Variants in MYRF observed in about 807,000 individuals in gnomAD.
MYRF encodes myelin regulatory factor, also known as myelin gene regulatory factor.
Under a neutral mutation model 126.3 loss-of-function variants are expected in MYRF, and 16 were observed. The observed-to-expected ratio is 0.13, with a 90% CI of 0.09 to 0.19. MYRF has a LOEUF of 0.19. MYRF is among the 10% of genes least tolerant of loss of function. MYRF has a pLI of 1.00. For synonymous variants in MYRF, 608 were observed against 635.3 expected, an observed-to-expected ratio of 0.96 and a Z score of 0.65; for missense variants, 1,104 against 1,547.0, an observed-to-expected ratio of 0.71 and a Z score of 4.80.
chr11:61,769,373 G>A, intron 4 of MYRF, 52 bp downstream of exon 4: 2 of 1,470,558 alleles, frequency 1.4e-6, no homozygotes, highest in Non-Finnish European at 1.9e-6. Context: ...CAAGTAGTTG[G>A]GGCGGCCTTA....
chr11:61,780,154 C>T, intron 17 of MYRF, 68 bp from the exon 18 acceptor site: 2 of 1,554,820 alleles, frequency 1.3e-6, no homozygotes, highest in South Asian at 2.3e-5. Context: ...GGACCACAGC[C>T]TTGTCCTAGA....
intron 1 of MYRF, among the ~76,000 whole-genome samples, chr11:61,753,307 C>T (rs1045936203): frequency 6.6e-6 from 1 of 151,834 alleles, no homozygotes; most frequent in African/African-American, 2.4e-5. Context: ...CTGGTTGGCG[C>T]CATCCCCCAT....
chr11:61,784,426 C>T, intron 25 of MYRF, 41 bp downstream of exon 25: 1 of 1,538,524 alleles, frequency 6.5e-7, no homozygotes, highest in African/African-American at 1.4e-5. Flanking sequence ...CAGGCCCGAG[C>T]TGCTTCTCTC....
chr11:61,770,365 C>T lies in MYRF; in HGVS notation c.580C>T (p.Pro194Ser), dbSNP rs748967830. Residue 194 changes from proline to serine, a missense_variant, in exon 5 of 27, where the codon CCC becomes TCC. This residue lies in a region of MYRF where 368 missense variants were observed against 403.9 expected (regional missense o/e 0.91). Coordinates refer to ENST00000278836, the MANE Select transcript of MYRF (RefSeq NM_001127392.3). ...GCCAGGCCCCCCGCCACCCCCACCA[C>T]CCCCACCTCACTACCCTGTCCTGCA... ...HLPGPPPPPP[P>S]PPHYPVLQRD... is the part of the protein sequence containing the mutation. 2.4e-5 allele frequency: 37 copies of T among 1,533,380 alleles called. No individual in the cohort carries two copies. The highest frequency in any genetic ancestry group is 3.2e-5 in the Non-Finnish European group (36 of 1,134,552). 95.0% of individuals were successfully genotyped at this position (1,533,380 alleles called of 1,614,324 possible). A position where few individuals can be genotyped will look rare whatever the true frequency, so the allele number is the denominator to read the frequency against.
chr11:61,784,222 G>C lies in MYRF; in HGVS notation c.3195-58G>C, dbSNP rs1294938747. ...GGCGTGTGGCAGGCTGGCTGGGAGG[G>C]GGCTGGGGTTGAGGGACTCTAGAAC... On this transcript the variant is annotated intron_variant, in intron 24 of 26. Transcript: ENST00000278836. The C allele has an allele frequency of 4.6e-6, 7 of 1,505,790 alleles. No individual in the cohort carries two copies. The South Asian group carries it at 8.2e-5, about 18-fold the overall frequency. The allele number at this position is 1,505,790 out of a possible 1,614,324, so 93.3% of individuals were successfully genotyped here.
chr11:61,754,655 G>A (rs539152329), intron 1 of MYRF, among the ~76,000 whole-genome samples: 1 of 152,200 alleles, frequency 6.6e-6, no homozygotes, highest in Non-Finnish European at 1.5e-5. Flanking sequence ...GTTGGGGGGT[G>A]GGGGCTGACG....
rs201753383 is a variant in MYRF at position 61,771,923 on chromosome 11, G to A, written c.1086G>A (p.Ala362=). The change falls in exon 7 of 27, where the codon GCG becomes GCA. Residue 362 remains alanine, a synonymous_variant. Transcript: ENST00000278836. Reference sequence around the variant, plus strand: ...AGCCTCATCAGCAGAACAAGTGGGCGACCCTGTACGATGCTAACTACAAGG... The same window carrying A: ...AGCCTCATCAGCAGAACAAGTGGGCAACCCTGTACGATGCTAACTACAAGG... ...KWQPHQQNKW[A]TLYDANYKEL... 4.3e-5 allele frequency: 70 copies of A among 1,613,944 alleles called. No individual in the cohort carries two copies. Among genetic ancestry groups the A allele is most frequent in the Admixed American group, 3.0e-4 (18 of 60,006 alleles).
rs1176842807 is a variant in MYRF, at chr11:61,781,045, G to A, written c.2572G>A (p.Val858Met). Residue 858 changes from valine to methionine, a missense_variant and splice_region_variant, in exon 20 of 27, where the codon GTG becomes ATG. By Grantham distance (21) the Val-to-Met change is conservative. Around this residue, in one of 10 missense-constraint regions of MYRF, gnomAD observed 323 missense variants for 383.1 expected, o/e 0.84. Coordinates refer to ENST00000278836, the MANE Select transcript of MYRF (RefSeq NM_001127392.3). ...AGGCATACAGCCCTCTTTGCTGCTG[G>A]GTGCGTGTCTGGGCAGGTCTGGGTA... Reference protein sequence around the residue: ...LPGIQPSLLLVTTSLTSSAPG... With the variant: ...LPGIQPSLLLMTTSLTSSAPG... 1 of 1,609,818 alleles carries A rather than the reference G, an allele frequency of 6.2e-7. No individual in the cohort carries two copies. Among genetic ancestry groups the A allele is most frequent in the Non-Finnish European group, 8.5e-7 (1 of 1,180,008 alleles).
At position 61,757,965 on chromosome 11, in the gene MYRF, C is replaced by T. The variant is rs1043524953; in HGVS notation, c.46+5175C>T. 6.6e-6 allele frequency among the ~76,000 whole-genome samples: 1 copy of T among 152,158 alleles called. No individual in the cohort carries two copies. The highest frequency in any genetic ancestry group is 1.5e-5 in the Non-Finnish European group (1 of 68,022). The stretch of plus-strand genomic sequence containing the variant: ...GACATGCTGAGGGGTGGCTCCAGCA[C>T]GGGTGGCCACGCCAGGTGATGTCCG... On this transcript the variant is annotated intron_variant, in intron 1 of 26. Transcript: ENST00000278836. The surrounding 1 kb of genome is among the most constrained non-coding windows in gnomAD (Gnocchi z 4.7).
At chr11:61,760,969 G>A (rs1240831280) in intron 1 of MYRF, among the ~76,000 whole-genome samples, 1 of 152,174 alleles carries the variant, frequency 6.6e-6, no homozygotes, top group Non-Finnish European at 1.5e-5. Context: ...TGCTCTGAGA[G>A]GACACTCAGA....
rs2135780280 is a variant in MYRF at position 61,770,253 on chromosome 11, C to T, written c.468C>T (p.His156=). The part of the protein sequence containing the change: ...AYSPQQVNEP[H]LLRTITPETL... ...CCCCCATCTCTCCTGCAGAGCCCCA[C>T]CTCCTGCGCACGATAACCCCTGAGA... is the stretch of plus-strand genomic sequence containing the variant. The change falls in exon 5 of 27, where the codon CAC becomes CAT. Residue 156 remains histidine, a synonymous_variant. Coordinates refer to ENST00000278836, the MANE Select transcript of MYRF (RefSeq NM_001127392.3). The T allele has an allele frequency of 1.9e-6, 3 of 1,606,620 alleles. No homozygotes were observed. The highest frequency in any genetic ancestry group is 2.2e-5 in the East Asian group (1 of 44,710).
intron 1 of MYRF, among the ~76,000 whole-genome samples, chr11:61,764,754 C>A (rs2066004561): frequency 6.6e-6 from 1 of 152,218 alleles, no homozygotes; most frequent in Admixed American, 6.5e-5. Flanking sequence ...CCTCATGATG[C>A]CCAAGAGCCC....
At chr11:61,780,896 T>C (rs1331821250) in intron 19 of MYRF, 64 bp from the exon 20 acceptor site, 13 of 1,595,142 alleles carry the variant, frequency 8.1e-6, no homozygotes, top group Non-Finnish European at 1.0e-5. Context: ...TCTCCAGGAC[T>C]GTCAGGCCCT....
At position 61,783,779 on chromosome 11, in the gene MYRF, C is replaced by T; in HGVS notation, c.3120-72C>T. The T allele has an allele frequency of 6.8e-7, 1 of 1,481,258 alleles. No homozygotes were observed. The highest frequency in any genetic ancestry group is 9.2e-7 in the Non-Finnish European group (1 of 1,083,226). The allele number at this position is 1,481,258 out of a possible 1,614,324, so 91.8% of individuals were successfully genotyped here. A position where few individuals can be genotyped will look rare whatever the true frequency, so the allele number is the denominator to read the frequency against. On this transcript the variant is annotated intron_variant, in intron 23 of 26. Transcript: ENST00000278836. This position sits in a 1 kb window ranked among gnomAD's most constrained non-coding sequence, Gnocchi z 4.6. Reference sequence around the variant, plus strand: ...GGAGGGCTCCAGTACAGATTGGGGGCTGAGGAGTCCCTGGTGGGGGTGGGG... The same window carrying T: ...GGAGGGCTCCAGTACAGATTGGGGGTTGAGGAGTCCCTGGTGGGGGTGGGG...
chr11:61,759,690 AAG>A (rs913095862), intron 1 of MYRF, among the ~76,000 whole-genome samples: 1 of 151,980 alleles, frequency 6.6e-6, no homozygotes, highest in African/African-American at 2.4e-5. Flanking sequence ...GTAAAAAAAA[AAG>A]AGAGGGGTCT....
At chr11:61,755,530 C>A in intron 1 of MYRF, 1 of 1,496,528 alleles carries the variant, frequency 6.7e-7, no homozygotes, top group Non-Finnish European at 9.2e-7. Flanking sequence ...CTGCCAGGAC[C>A]TCAGAGTTCT....
At position 61,779,549 on chromosome 11, in the gene MYRF, G is replaced by A; in HGVS notation, c.2226G>A (p.Arg742=). 1 of 1,505,300 alleles carries A rather than the reference G, an allele frequency of 6.6e-7. No individual in the cohort carries two copies. Among genetic ancestry groups the A allele is most frequent in the Non-Finnish European group, 8.9e-7 (1 of 1,127,202 alleles). 93.2% of individuals were successfully genotyped at this position (1,505,300 alleles called of 1,614,324 possible). A position where few individuals can be genotyped will look rare whatever the true frequency, so the allele number is the denominator to read the frequency against. ...SRAGSVPHKK[R]PPKVASKSSS... is the part of the protein sequence containing the mutation. Reference sequence around the variant, plus strand: ...CGGGCAGCGTCCCCCACAAGAAGAGGCCCCCCAAGGTGGCCAGCAAGGTAG... The same window carrying A: ...CGGGCAGCGTCCCCCACAAGAAGAGACCCCCCAAGGTGGCCAGCAAGGTAG... Residue 742 remains arginine (R), a synonymous_variant, in exon 16 of 27, where the codon AGG becomes AGA. Transcript: ENST00000278836.
Position 61,779,910 on chromosome 11 carries a change from G to C in MYRF, c.2316G>C (p.Leu772=), listed in dbSNP as rs766451730. ...TCCTGCAGGGAACCATCATTGCCCT[G>C]GTGGTGGTCATGGCCTTCAGGTGAC... ...QRFLQGTIIA[L]VVVMAFSVVS... is the part of the protein sequence containing the mutation. Residue 772 remains leucine, a synonymous_variant, in exon 17 of 27, where the codon CTG becomes CTC. Transcript: ENST00000278836. 6.2e-7 allele frequency: 1 copy of C among 1,614,066 alleles called. No homozygotes were observed. Among genetic ancestry groups the C allele is most frequent in the Non-Finnish European group, 8.5e-7 (1 of 1,179,948 alleles).
In MYRF at chr11:61,766,002, C is replaced by G; in HGVS notation, c.179C>G (p.Ser60Cys). 6.3e-7 allele frequency: 1 copy of G among 1,577,716 alleles called. No individual in the cohort carries two copies. Among genetic ancestry groups the G allele is most frequent in the South Asian group, 1.1e-5 (1 of 87,540 alleles). The stretch of plus-strand genomic sequence containing the variant: ...GCTCCAGCCAGCTCGGCCTCCTACT[C>G]CCACGGGCAGCCTGCGATGCCTGGC... ...ISAPASSASY[S>C]HGQPAMPGSS... Residue 60 changes from serine to cysteine, a missense_variant, in exon 3 of 27, where the codon TCC (serine) becomes TGC (cysteine). Physicochemically the swap from Ser to Cys is moderately radical, Grantham distance 112. Coordinates refer to ENST00000278836, the MANE Select transcript of MYRF (RefSeq NM_001127392.3).
Sources: allele counts gnomAD v4.1 joint callset (sites outside exome capture counted in the v4.1 genomes callset), GRCh38; gene constraint gnomAD v4.1.1; regional missense constraint gnomAD v4.1.1; non-coding constraint Gnocchi (gnomAD v3.1); transcripts MANE v1.5; gene names NCBI Gene and HGNC (gene_info 2026-07-23, HGNC 2026-07-21).